Variants in RTN4 observed in about 807,000 individuals in gnomAD.
RTN4 encodes the protein reticulon-4.
Under a neutral mutation model 90.4 loss-of-function variants are expected in RTN4, and 32 were observed. The ratio of observed to expected loss-of-function variants is 0.35; its 90% CI spans 0.27 to 0.48. The LOEUF (loss-of-function observed/expected upper bound fraction) is 0.48. Ranked by LOEUF, RTN4 falls within the 20% of genes least tolerant of loss-of-function variation. The pLI is 0.99. For synonymous variants in RTN4, 629 were observed against 552.5 expected, an observed-to-expected ratio of 1.14 and a Z score of -1.94; for missense variants, 1,706 against 1,430.2, an observed-to-expected ratio of 1.19 and a Z score of -3.11.
At chr2:55,054,586 G>A (rs1668156826), upstream of RTN4, among the ~76,000 whole-genome samples, 2 of 152,188 alleles carry the variant, frequency 1.3e-5, no homozygotes, top group African/African-American at 4.8e-5. Context: ...AGAGTTAAAA[G>A]GCGTAGGATG....
chr2:54,984,751 G>C (rs1251925058), intron 4 of RTN4, among the ~76,000 whole-genome samples: 2 of 152,140 alleles, frequency 1.3e-5, no homozygotes, highest in East Asian at 3.9e-4. Context: ...TGTCCAACAA[G>C]CTTAAACTGG....
At chr2:54,978,066 A>C (rs1332911022) in intron 5 of RTN4, among the ~76,000 whole-genome samples, 1 of 152,218 alleles carries the variant, frequency 6.6e-6, no homozygotes, top group African/African-American at 2.4e-5. Context: ...AGCAAGGAAA[A>C]GGTTTCACAT....
At chr2:54,982,483 T>C (rs553594493) in intron 5 of RTN4, 32 bp downstream of exon 5, 113 of 1,591,094 alleles carry the variant, frequency 7.1e-5, no homozygotes, top group Non-Finnish European at 9.4e-5. Flanking sequence ...AAATTCTGGG[T>C]ATATCAAAAA....
At chr2:55,000,025 C>G (rs1679739645) in intron 3 of RTN4, among the ~76,000 whole-genome samples, 1 of 151,874 alleles carries the variant, frequency 6.6e-6, no homozygotes, top group South Asian at 2.1e-4. Flanking sequence ...AAAATAATAC[C>G]CACCCCTAAG....
intron 5 of RTN4, among the ~76,000 whole-genome samples, chr2:54,977,918 T>C (rs1022146868): frequency 5.3e-5 from 8 of 152,130 alleles, no homozygotes; most frequent in African/African-American, 1.9e-4. Context: ...ACCAGGAAAC[T>C]TGGACCAGGC....
At chr2:55,011,868 G>A (rs926292279) in intron 3 of RTN4, among the ~76,000 whole-genome samples, 2 of 152,120 alleles carry the variant, frequency 1.3e-5, no homozygotes, top group East Asian at 1.9e-4. Flanking sequence ...TTCTCAGCTC[G>A]AGTTAATATT....
intron 2 of RTN4, among the ~76,000 whole-genome samples, chr2:55,063,432 G>A (rs1558863742): frequency 6.6e-6 from 1 of 152,108 alleles, no homozygotes; most frequent in African/African-American, 2.4e-5. Flanking sequence ...ATTAAAAGGA[G>A]GCCATGTAGC....
intron 1 of RTN4, among the ~76,000 whole-genome samples, chr2:55,105,897 T>C (rs924292388): frequency 6.6e-6 from 1 of 152,066 alleles, no homozygotes; most frequent in Non-Finnish European, 1.5e-5. Flanking sequence ...AGAGGATCGC[T>C]TGCACCCAGG....
intron 3 of RTN4, among the ~76,000 whole-genome samples, chr2:54,993,076 A>AG (rs1491196851): frequency 2.7e-5 from 3 of 111,452 alleles, no homozygotes; most frequent in Non-Finnish European, 5.1e-5. Flanking sequence ...TCCATCTCGG[A>AG]AAAAAAAAAA....
the RTN4 span, among the ~76,000 whole-genome samples, chr2:55,132,043 A>C: frequency 6.6e-6 from 1 of 152,208 alleles, no homozygotes; most frequent in African/African-American, 2.4e-5. Context: ...TATGGGGGGA[A>C]TGATGTGACA....
At chr2:54,973,301 G>T (rs1677288179) in intron 8 of RTN4, 103 bp from the exon 9 acceptor site, 2 of 1,100,696 alleles carry the variant, frequency 1.8e-6, no homozygotes, top group Non-Finnish European at 2.7e-6. Context: ...TACAATAAAT[G>T]AAATCCTTAA....
At chr2:55,110,611 T>C (rs1668021227) in intron 1 of RTN4, among the ~76,000 whole-genome samples, 1 of 152,204 alleles carries the variant, frequency 6.6e-6, no homozygotes, top group Non-Finnish European at 1.5e-5. Context: ...AATGTCAATC[T>C]ATCTGAGGGC....
intron 3 of RTN4, among the ~76,000 whole-genome samples, chr2:54,992,984 G>A (rs747722786): frequency 1.9e-4 from 29 of 148,794 alleles, no homozygotes; most frequent in Non-Finnish European, 3.4e-4. Flanking sequence ...TGAGGCAGGA[G>A]AATGGCGTGA....
In RTN4 at chr2:55,092,957, A is replaced by C. The variant is rs1036971172; in HGVS notation, c.-213-12318T>G. On this transcript the variant is annotated intron_variant, in intron 1 of 3. Coordinates refer to the RTN4 transcript ENST00000427710. Reference sequence around the variant, plus strand: ...AAAACTTTTTTGTTTGATTTTAAAAATTCACTTTTTCACTTATCTATTCAG... The same window carrying C: ...AAAACTTTTTTGTTTGATTTTAAAACTTCACTTTTTCACTTATCTATTCAG... Among the ~76,000 whole-genome samples, 19 of 152,238 alleles carry C rather than the reference A, an allele frequency of 1.2e-4. 1 individual carries two copies. The highest frequency in any genetic ancestry group is 1.2e-3 in the Admixed American group (19 of 15,288).
At chr2:55,137,609 A>G in the RTN4 span, among the ~76,000 whole-genome samples, 1 of 151,984 alleles carries the variant, frequency 6.6e-6, no homozygotes, top group East Asian at 1.9e-4. Context: ...GACTCTGACT[A>G]CAGCCTCCCC....
At chr2:55,085,927 CA>C (rs1175657704) in intron 1 of RTN4, among the ~76,000 whole-genome samples, 1 of 152,180 alleles carries the variant, frequency 6.6e-6, no homozygotes, top group Non-Finnish European at 1.5e-5. Context: ...CTTCACAAAT[CA>C]TTATTGCAGT....
At chr2:55,029,600 C>T (rs764256872) in intron 1 of RTN4, among the ~76,000 whole-genome samples, 4 of 152,104 alleles carry the variant, frequency 2.6e-5, no homozygotes, top group African/African-American at 4.8e-5. Flanking sequence ...AACATGAATA[C>T]GGACTTGTCT....
chr2:55,016,523 C>CA (rs1208946656), intron 3 of RTN4, among the ~76,000 whole-genome samples: 1 of 152,158 alleles, frequency 6.6e-6, no homozygotes, highest in African/African-American at 2.4e-5. Flanking sequence ...GCAGAGGTTG[C>CA]AGTGAGTGGA....
At chr2:54,976,573 A>C (rs1404585307) in intron 5 of RTN4, among the ~76,000 whole-genome samples, 1 of 152,184 alleles carries the variant, frequency 6.6e-6, no homozygotes, top group South Asian at 2.1e-4. Context: ...GCTATCATAT[A>C]ATTTTTAAAT....
Sources: gnomAD v4.1 joint callset for allele counts (sites outside exome capture counted in the v4.1 genomes callset) on GRCh38, gnomAD v4.1.1 for gene constraint, MANE v1.5 for transcripts, NCBI Gene and HGNC (gene_info 2026-07-23, HGNC 2026-07-21) for gene names.